The following KCNT2 variants were observed in gnomAD, a reference collection of about 807,000 sequenced individuals.
KCNT2 encodes potassium channel subfamily T member 2.
In KCNT2, 67 loss-of-function variants were observed where a neutral mutation model predicts 153.8. That is an observed-to-expected ratio of 0.44 (90% CI 0.36 to 0.53). The LOEUF (loss-of-function observed/expected upper bound fraction) is 0.53. KCNT2 is among the 20% of genes least tolerant of loss of function. The pLI is 0.00. For synonymous variants in KCNT2, 500 were observed against 458.8 expected (o/e 1.09, Z -1.15); for missense variants, 975 against 1,354.8 (o/e 0.72, Z 4.40).
At chr1:196,442,941 T>C (rs1197328866) in intron 8 of KCNT2, among the ~76,000 whole-genome samples, 2 of 151,616 alleles carry the variant, frequency 1.3e-5, no homozygotes, top group African/African-American at 4.8e-5. Context: ...AGAGGGAATA[T>C]AGGTAAGCCA....
intron 14 of KCNT2, among the ~76,000 whole-genome samples, chr1:196,345,176 C>A (rs369364363): frequency 6.6e-6 from 1 of 151,904 alleles, no homozygotes; most frequent in South Asian, 2.1e-4. Context: ...GGGAGAGGGC[C>A]AACAATAAAC....
intron 8 of KCNT2, among the ~76,000 whole-genome samples, chr1:196,461,975 T>TA (rs1186947059): frequency 9.2e-5 from 14 of 151,702 alleles, no homozygotes; most frequent in African/African-American, 3.4e-4. Flanking sequence ...TCCTGAACAA[T>TA]ATAGCCAATT....
At chr1:196,606,907 G>A (rs1665383565) in intron 1 of KCNT2, among the ~76,000 whole-genome samples, 1 of 152,024 alleles carries the variant, frequency 6.6e-6, no homozygotes, top group Non-Finnish European at 1.5e-5. Flanking sequence ...TTTATCTTCA[G>A]TTTACCCAAA....
intron 12 of KCNT2, among the ~76,000 whole-genome samples, chr1:196,402,393 C>T (rs1034763816): frequency 1.3e-5 from 2 of 151,230 alleles, no homozygotes; most frequent in African/African-American, 4.8e-5. Context: ...ACAACAATAA[C>T]ATAAGAGACA....
chr1:196,525,714 G>A (rs1388178536), intron 1 of KCNT2, among the ~76,000 whole-genome samples: 1 of 152,202 alleles, frequency 6.6e-6, no homozygotes, highest in Non-Finnish European at 1.5e-5. Context: ...ACTGTTACGA[G>A]GCTGAAAGCC....
At chr1:196,506,312 A>C (rs1245196336) in intron 1 of KCNT2, among the ~76,000 whole-genome samples, 1 of 152,186 alleles carries the variant, frequency 6.6e-6, no homozygotes, top group Non-Finnish European at 1.5e-5. Context: ...ATGACAACTC[A>C]TAACTTTTAT....
At chr1:196,413,033 G>A (rs1302302819) in intron 12 of KCNT2, among the ~76,000 whole-genome samples, 2 of 151,618 alleles carry the variant, frequency 1.3e-5, no homozygotes, top group Non-Finnish European at 3.0e-5. Flanking sequence ...TGGATACAAA[G>A]TTAATATATT....
intron 8 of KCNT2, among the ~76,000 whole-genome samples, chr1:196,460,758 A>C (rs1435255408): frequency 6.6e-6 from 1 of 151,758 alleles, no homozygotes; most frequent in Non-Finnish European, 1.5e-5. Flanking sequence ...ACTTAATATG[A>C]GACTCATTTG....
At chr1:196,516,151 C>T (rs1047327008) in intron 1 of KCNT2, among the ~76,000 whole-genome samples, 1 of 152,166 alleles carries the variant, frequency 6.6e-6, no homozygotes, top group Admixed American at 6.5e-5. Flanking sequence ...TTCATGGCAC[C>T]TCCCAGGATA....
chr1:196,513,515 C>G (rs574315739), intron 1 of KCNT2, among the ~76,000 whole-genome samples: 1 of 152,174 alleles, frequency 6.6e-6, no homozygotes, highest in Admixed American at 6.6e-5. Context: ...ATTTCCTCAA[C>G]CAGACTTAAT....
chr1:196,226,954 T>A lies in KCNT2; in HGVS notation c.*1270A>T, dbSNP rs1261178833. The A allele has an allele frequency of 6.6e-6, 1 of 151,994 alleles. No individual in the cohort carries two copies. The highest frequency in any genetic ancestry group is 1.5e-5 in the Non-Finnish European group (1 of 67,874). 9.4% of individuals were successfully genotyped at this position (151,994 alleles called of 1,614,324 possible). ...TACCTGGTAAACTATGTACGCATAC[T>A]CTTGTGCTCTTTTGATCTATTTCTC... On this transcript the variant is annotated 3_prime_UTR_variant, in exon 28 of 28. Transcript: ENST00000294725.
intron 1 of KCNT2, among the ~76,000 whole-genome samples, chr1:196,546,139 T>C (rs1429634111): frequency 1.3e-5 from 2 of 152,100 alleles, no homozygotes; most frequent in Admixed American, 1.3e-4. Context: ...CCAAACAATT[T>C]TATGAGAGTT....
In KCNT2 at chr1:196,374,104, A is replaced by T. The variant is rs557527116; in HGVS notation, c.1295-856T>A. On this transcript the variant is annotated intron_variant, in intron 13 of 27. Transcript: ENST00000294725. Reference sequence around the variant, plus strand: ...TTAAATAGTGTTTATTTTGGAAAAAACAAAAACCTGTTTTCCCAAATAAAC... The same window carrying T: ...TTAAATAGTGTTTATTTTGGAAAAATCAAAAACCTGTTTTCCCAAATAAAC... Among the ~76,000 whole-genome samples the T allele has an allele frequency of 3.0e-4, 45 of 152,030 alleles. No individual in the cohort carries two copies. The South Asian group carries it at 9.1e-3, about 31-fold the overall frequency.
chr1:196,481,329 G>A (rs1326012403), intron 4 of KCNT2, among the ~76,000 whole-genome samples: 1 of 152,176 alleles, frequency 6.6e-6, no homozygotes, highest in Non-Finnish European at 1.5e-5. Flanking sequence ...GAGGAAGAGG[G>A]TGGATGATGA....
intron 1 of KCNT2, among the ~76,000 whole-genome samples, chr1:196,602,912 G>A (rs890575917): frequency 1.1e-4 from 17 of 148,380 alleles, no homozygotes; most frequent in East Asian, 8.0e-4. Context: ...TCAGCCTCCC[G>A]AGTAGCTGGG....
chr1:196,495,115 T>G (rs1296303296), intron 1 of KCNT2, among the ~76,000 whole-genome samples: 1 of 152,130 alleles, frequency 6.6e-6, no homozygotes, highest in African/African-American at 2.4e-5. Flanking sequence ...GTCAATATAA[T>G]CATTGAGAAA....
intron 13 of KCNT2, among the ~76,000 whole-genome samples, chr1:196,393,221 A>G (rs985150441): frequency 2.6e-5 from 4 of 151,450 alleles, no homozygotes; most frequent in African/African-American, 7.3e-5. Flanking sequence ...AAATTTGCCA[A>G]TTCGATTGTT....
intron 25 of KCNT2, among the ~76,000 whole-genome samples, chr1:196,264,136 C>T (rs1156431806): frequency 6.6e-6 from 1 of 151,976 alleles, no homozygotes; most frequent in Non-Finnish European, 1.5e-5. Flanking sequence ...AATGCTTTTC[C>T]TATTGCTTTA....
chr1:196,339,268 A>G (rs1262787116), intron 16 of KCNT2, among the ~76,000 whole-genome samples: 1 of 152,082 alleles, frequency 6.6e-6, no homozygotes, highest in African/African-American at 2.4e-5. Context: ...CTTGTCATAT[A>G]CTGTGAAGAC....
Sources: allele counts gnomAD v4.1 joint callset (sites outside exome capture counted in the v4.1 genomes callset), GRCh38; gene constraint gnomAD v4.1.1; transcripts MANE v1.5; gene names NCBI Gene and HGNC (gene_info 2026-07-23, HGNC 2026-07-21).